The following WWOX variants were observed in gnomAD, a reference collection of about 807,000 sequenced individuals.
WWOX encodes WW domain-containing oxidoreductase.
A neutral mutation model predicts 46.2 loss-of-function variants in WWOX; 69 were observed. The ratio of observed to expected loss-of-function variants is 1.49; its 90% CI spans 1.23 to 1.82. The LOEUF is 1.82. Ranked by LOEUF, WWOX falls within the 40% of genes most tolerant of loss-of-function variation. The probability of loss-of-function intolerance (pLI) is 0.00; values close to 1 mark genes in which losing one functional copy is unlikely to be tolerated. For synonymous variants in WWOX, 359 were observed against 202.6 expected, an observed-to-expected ratio of 1.77 and a Z score of -6.56; for missense variants, 919 against 542.6, an observed-to-expected ratio of 1.69 and a Z score of -6.89.
chr16:78,961,203 A>T (rs1324961541), intron 8 of WWOX, among the ~76,000 whole-genome samples: 2 of 152,228 alleles, frequency 1.3e-5, no homozygotes, highest in Non-Finnish European at 2.9e-5. Flanking sequence ...GTGACATCAG[A>T]AGTTAAAAGG....
intron 8 of WWOX, among the ~76,000 whole-genome samples, chr16:78,839,729 T>A (rs1428827515): frequency 3.3e-5 from 5 of 152,132 alleles, no homozygotes; most frequent in Non-Finnish European, 5.9e-5. Flanking sequence ...GTGATGTTCC[T>A]ACCAAGTCAC....
chr16:78,129,153 G>A lies in WWOX; in HGVS notation c.409+13999G>A, dbSNP rs188618285. On this transcript the variant is annotated intron_variant, in intron 4 of 8. Transcript: ENST00000566780. The stretch of plus-strand genomic sequence containing the variant: ...GAGGACCTTTTTCCTCCCAGGGTTA[G>A]CGTCGCCACTTGCCCAGTGTTTCTT... 7.2e-5 allele frequency among the ~76,000 whole-genome samples: 11 copies of A among 152,276 alleles called. No individual in the cohort carries two copies. In the East Asian group the frequency reaches 1.5e-3, roughly 21 times the overall value.
chr16:79,019,398 T>C (rs2047486143), intron 8 of WWOX, among the ~76,000 whole-genome samples: 1 of 152,024 alleles, frequency 6.6e-6, no homozygotes, highest in Non-Finnish European at 1.5e-5. Context: ...CAACGTGTGA[T>C]TGGGCTGCGT....
chr16:79,123,292 C>T (rs568636961), intron 8 of WWOX, among the ~76,000 whole-genome samples: 27 of 152,090 alleles, frequency 1.8e-4, no homozygotes, highest in Non-Finnish European at 3.5e-4. Flanking sequence ...TAAGTTTAGA[C>T]GCCCTCCTAG....
intron 5 of WWOX, among the ~76,000 whole-genome samples, chr16:78,218,380 C>T (rs961732476): frequency 6.6e-6 from 1 of 152,054 alleles, no homozygotes; most frequent in Non-Finnish European, 1.5e-5. Context: ...AGCCACCATG[C>T]CTGGCCTTTG....
At position 78,524,131 on chromosome 16, in the gene WWOX, C is replaced by G. The variant is rs558538404; in HGVS notation, c.1056+91379C>G. 2.0e-5 allele frequency among the ~76,000 whole-genome samples: 3 copies of G among 152,230 alleles called. No individual in the cohort carries two copies. The South Asian group carries it at 6.2e-4, about 32-fold the overall frequency. ...AGTCGGCAAACATCACTTTGTAATTCTCTGATGTGTTTGGGTTGATTCCCT... is the reference window on the plus strand; with the variant it reads ...AGTCGGCAAACATCACTTTGTAATTGTCTGATGTGTTTGGGTTGATTCCCT... On this transcript the variant is annotated intron_variant, in intron 8 of 8. Transcript: ENST00000566780.
intron 8 of WWOX, among the ~76,000 whole-genome samples, chr16:78,576,814 C>T (rs1256883614): frequency 6.6e-6 from 1 of 152,196 alleles, no homozygotes; most frequent in South Asian, 2.1e-4. Flanking sequence ...CTAGGCAACA[C>T]AACAAGACCC....
intron 8 of WWOX, among the ~76,000 whole-genome samples, chr16:78,492,940 C>A (rs374094550): frequency 1.5e-4 from 23 of 152,280 alleles, no homozygotes; most frequent in African/African-American, 5.3e-4. Context: ...ATCAATCAGT[C>A]ATGCTTAGCA....
chr16:78,420,323 C>T lies in WWOX; in HGVS notation c.606-4547C>T, dbSNP rs1167666205. On this transcript the variant is annotated intron_variant, in intron 6 of 8. Coordinates refer to ENST00000566780, the MANE Select transcript of WWOX (RefSeq NM_016373.4). The stretch of plus-strand genomic sequence containing the variant: ...CCATAGCATCTTACAAATGAATGTA[C>T]ATAGTAGTGATATTCCTAATAGCCA... Among the ~76,000 whole-genome samples the T allele has an allele frequency of 2.6e-5, 4 of 152,040 alleles. No individual in the cohort carries two copies. In the East Asian group the frequency reaches 7.7e-4, roughly 29 times the overall value.
chr16:78,981,455 T>G (rs551297349), intron 8 of WWOX, among the ~76,000 whole-genome samples: 1 of 149,654 alleles, frequency 6.7e-6, no homozygotes, highest in Non-Finnish European at 1.5e-5. Flanking sequence ...TTTTTTTTTT[T>G]TAGGTGGAGT....
At chr16:78,798,388 G>A (rs2050799039) in intron 8 of WWOX, among the ~76,000 whole-genome samples, 1 of 152,072 alleles carries the variant, frequency 6.6e-6, no homozygotes, top group African/African-American at 2.4e-5. Flanking sequence ...ACAACCCAAG[G>A]ATGTCATCGA....
At chr16:78,333,579 A>G (rs2080814143) in intron 5 of WWOX, among the ~76,000 whole-genome samples, 2 of 152,196 alleles carry the variant, frequency 1.3e-5, no homozygotes, top group African/African-American at 2.4e-5. Flanking sequence ...TTCTGCTAAA[A>G]CATGCATATA....
At chr16:78,135,733 C>T (rs891734093) in intron 4 of WWOX, among the ~76,000 whole-genome samples, 2 of 151,998 alleles carry the variant, frequency 1.3e-5, no homozygotes, top group East Asian at 3.9e-4. Context: ...ACACCTTCCA[C>T]TAAAACTGAC....
intron 6 of WWOX, among the ~76,000 whole-genome samples, chr16:78,405,274 C>T (rs2082501461): frequency 6.6e-6 from 1 of 152,046 alleles, no homozygotes; most frequent in African/African-American, 2.4e-5. Context: ...TGCTGTGCTC[C>T]ACTCTGGGTA....
chr16:78,550,040 G>A (rs2044138492), intron 8 of WWOX, among the ~76,000 whole-genome samples: 1 of 152,206 alleles, frequency 6.6e-6, no homozygotes. Flanking sequence ...TTCAATAAAT[G>A]TTCATGGTTG....
At chr16:78,365,891 G>C (rs932128725) in intron 5 of WWOX, among the ~76,000 whole-genome samples, 3 of 152,072 alleles carry the variant, frequency 2.0e-5, no homozygotes, top group Non-Finnish European at 2.9e-5. Flanking sequence ...ACATTATTTT[G>C]TTATTGTTGT....
rs375663946 is a variant in WWOX, at chr16:78,808,782, G to A, written c.1056+376030G>A. ...CGTAGGTTCTAATTTGCCCAGTGTC[G>A]TGGTGTGTGATCTTGACCACTAGCC... On this transcript the variant is annotated intron_variant, in intron 8 of 8. Coordinates refer to ENST00000566780, the MANE Select transcript of WWOX (RefSeq NM_016373.4). Among the ~76,000 whole-genome samples, 7 of 152,178 alleles carry A rather than the reference G, an allele frequency of 4.6e-5. No individual in the cohort carries two copies. In the East Asian group the frequency reaches 5.8e-4, roughly 13 times the overall value.
intron 5 of WWOX, among the ~76,000 whole-genome samples, chr16:78,372,795 C>G (rs1016572407): frequency 6.6e-6 from 1 of 152,146 alleles, no homozygotes; most frequent in East Asian, 1.9e-4. Flanking sequence ...AGTGGCCACA[C>G]CAGTCTTTCC....
At chr16:79,013,197 G>T (rs1230544682) in intron 8 of WWOX, among the ~76,000 whole-genome samples, 1 of 152,206 alleles carries the variant, frequency 6.6e-6, no homozygotes, top group African/African-American at 2.4e-5. Flanking sequence ...CAGGGCTTTA[G>T]CTCACTGTGC....
Sources: allele counts gnomAD v4.1 joint callset (sites outside exome capture counted in the v4.1 genomes callset), GRCh38; gene constraint gnomAD v4.1.1; transcripts MANE v1.5; gene names NCBI Gene and HGNC (gene_info 2026-07-23, HGNC 2026-07-21).